The following WDPCP variants were observed in gnomAD, a reference collection of about 807,000 sequenced individuals.
The protein encoded by WDPCP is WD repeat containing planar cell polarity effector, also known as WD repeat-containing and planar cell polarity effector protein fritz homolog.
Under a neutral mutation model 93.1 loss-of-function variants are expected in WDPCP, and 71 were observed. The ratio of observed to expected loss-of-function variants is 0.76; its 90% CI spans 0.63 to 0.93. WDPCP has a LOEUF of 0.93. WDPCP is among the 40% of genes least tolerant of loss of function. WDPCP has a pLI of 0.00. For missense variants in WDPCP, 844 were observed against 887.4 expected (o/e 0.95, Z 0.62); for synonymous variants, 315 against 315.0 (o/e 1.00, Z 0.00).
intron 3 of WDPCP, chr2:63,597,428 G>A: frequency 6.9e-7 from 1 of 1,451,894 alleles, no homozygotes; most frequent in Non-Finnish European, 9.2e-7. Context: ...AGAAGACGTT[G>A]CCTTCAAAGA....
chr2:63,505,001 G>A (rs1701779151), intron 1 of WDPCP, among the ~76,000 whole-genome samples: 1 of 151,978 alleles, frequency 6.6e-6, no homozygotes. Context: ...TTAAGTTATT[G>A]TGTTACATCA....
intron 14 of WDPCP, among the ~76,000 whole-genome samples, chr2:63,217,917 C>T (rs1251675178): frequency 1.3e-5 from 2 of 152,170 alleles, no homozygotes; most frequent in Admixed American, 1.3e-4. Flanking sequence ...CACAATTGAA[C>T]TCCTTGATAA....
In WDPCP at chr2:63,392,684, T is replaced by C. The variant is rs183456317; in HGVS notation, c.1436-10590A>G. Among the ~76,000 whole-genome samples the C allele has an allele frequency of 1.2e-3, 189 of 151,988 alleles. 1 individual carries two copies. Among genetic ancestry groups the C allele is most frequent in the Non-Finnish European group, 1.7e-3 (118 of 67,964 alleles). ...GAATCTACAAAGAACTCAAATAAAT[T>C]TACAAGAAAAAAACAAACAACCCCA... On this transcript the variant is annotated intron_variant, in intron 10 of 17. Transcript: ENST00000272321.
At chr2:63,498,501 T>C (rs1445550577) in intron 1 of WDPCP, among the ~76,000 whole-genome samples, 2 of 152,204 alleles carry the variant, frequency 1.3e-5, no homozygotes, top group East Asian at 3.8e-4. Flanking sequence ...TAAATTAATA[T>C]TTATTTGTCT....
At chr2:63,220,641 T>TAC (rs1677735123) in intron 14 of WDPCP, among the ~76,000 whole-genome samples, 1 of 152,206 alleles carries the variant, frequency 6.6e-6, no homozygotes, top group Non-Finnish European at 1.5e-5. Context: ...GTATGGAAGT[T>TAC]AAAGTTACTA....
chr2:63,682,582 T>C (rs1203473618), intron 2 of WDPCP, among the ~76,000 whole-genome samples: 1 of 151,968 alleles, frequency 6.6e-6, no homozygotes, highest in African/African-American at 2.4e-5. Context: ...TTATTGGCCT[T>C]AAAGAGGAGG....
chr2:63,492,705 A>G lies in WDPCP; in HGVS notation c.160+151T>C, dbSNP rs1020065355. 39 of 674,284 alleles carry G rather than the reference A, an allele frequency of 5.8e-5. 1 individual carries two copies. In the South Asian group the frequency reaches 5.9e-4, roughly 10 times the overall value. 41.8% of individuals were successfully genotyped at this position (674,284 alleles called of 1,614,324 possible). ...AATATTGTTAGTAAGAGTAATTAAAAGGAATTATTTTCCATTAACCAATTT... is the reference window on the plus strand; with the variant it reads ...AATATTGTTAGTAAGAGTAATTAAAGGGAATTATTTTCCATTAACCAATTT... On this transcript the variant is annotated intron_variant, in intron 2 of 17. Transcript: ENST00000272321.
At chr2:63,588,689 CTCCATCAGGCAGG>C, upstream of WDPCP, 1 of 478,478 alleles carries the variant, frequency 2.1e-6, no homozygotes, top group East Asian at 4.1e-5. Flanking sequence ...AATTGCCGGG[CTCCATCAGGCAGG>C]TCCTTTCCTC....
chr2:63,212,044 CTT>C (rs1489266002), intron 14 of WDPCP, among the ~76,000 whole-genome samples: 1 of 152,164 alleles, frequency 6.6e-6, no homozygotes, highest in African/African-American at 2.4e-5. Flanking sequence ...GGAAAACACT[CTT>C]GAGGATATTA....
At chr2:63,540,716 T>G (rs1281531871) in intron 1 of WDPCP, among the ~76,000 whole-genome samples, 2 of 152,186 alleles carry the variant, frequency 1.3e-5, no homozygotes, top group Admixed American at 6.5e-5. Flanking sequence ...ATTTCAGTTT[T>G]TAATTGGATC....
At chr2:63,277,946 T>C (rs1004053858) in intron 13 of WDPCP, among the ~76,000 whole-genome samples, 4 of 152,152 alleles carry the variant, frequency 2.6e-5, no homozygotes, top group Non-Finnish European at 5.9e-5. Context: ...CTGCAGAATA[T>C]ACATTCTATT....
At chr2:63,319,867 T>G (rs1336921494) in intron 12 of WDPCP, among the ~76,000 whole-genome samples, 2 of 152,200 alleles carry the variant, frequency 1.3e-5, no homozygotes, top group Non-Finnish European at 2.9e-5. Flanking sequence ...TAAAAAAGCA[T>G]GTCTCAATAC....
At chr2:63,520,690 G>A (rs1469581829) in intron 1 of WDPCP, among the ~76,000 whole-genome samples, 2 of 152,048 alleles carry the variant, frequency 1.3e-5, no homozygotes, top group African/African-American at 2.4e-5. Context: ...CCAGGAGTTT[G>A]AGACCAGCCT....
chr2:63,694,633 G>T (rs955543515), intron 2 of WDPCP, among the ~76,000 whole-genome samples: 9 of 152,028 alleles, frequency 5.9e-5, no homozygotes, highest in African/African-American at 2.2e-4. Context: ...TCCATGTACT[G>T]ATAAAGCATA....
chr2:63,302,002 A>T (rs1685368173), intron 13 of WDPCP, among the ~76,000 whole-genome samples: 1 of 152,192 alleles, frequency 6.6e-6, no homozygotes, highest in Non-Finnish European at 1.5e-5. Flanking sequence ...CATATCGGGC[A>T]GACCCAAAAA....
chr2:63,682,568 A>C (rs1668726587), intron 2 of WDPCP, among the ~76,000 whole-genome samples: 2 of 152,148 alleles, frequency 1.3e-5, no homozygotes, highest in Admixed American at 6.5e-5. Flanking sequence ...GGAAAATCTA[A>C]GAGTTATTGG....
At chr2:63,685,491 C>A (rs933395818) in intron 2 of WDPCP, among the ~76,000 whole-genome samples, 6 of 152,190 alleles carry the variant, frequency 3.9e-5, no homozygotes, top group African/African-American at 1.4e-4. Flanking sequence ...AAGCCCAGGA[C>A]CCAGTGGCTT....
intron 1 of WDPCP, among the ~76,000 whole-genome samples, chr2:63,546,995 T>C (rs893024512): frequency 4.6e-4 from 70 of 151,718 alleles, no homozygotes; most frequent in Middle Eastern, 3.4e-3. Context: ...AGAAACTCAA[T>C]AGAAAGAATT....
intron 15 of WDPCP, among the ~76,000 whole-genome samples, chr2:63,156,315 T>G (rs1467555253): frequency 6.6e-6 from 1 of 152,186 alleles, no homozygotes; most frequent in East Asian, 1.9e-4. Flanking sequence ...TTTATTTTAA[T>G]CTTCTTAAGT....
Sources: gnomAD v4.1 joint callset for allele counts (sites outside exome capture counted in the v4.1 genomes callset) on GRCh38, gnomAD v4.1.1 for gene constraint, MANE v1.5 for transcripts, NCBI Gene and HGNC (gene_info 2026-07-23, HGNC 2026-07-21) for gene names.